Variants in HCN2 observed in about 807,000 individuals in gnomAD.
HCN2 encodes hyperpolarization activated cyclic nucleotide gated potassium and sodium channel 2, also known as potassium/sodium hyperpolarization-activated cyclic nucleotide-gated channel 2.
Under a neutral mutation model 52.3 loss-of-function variants are expected in HCN2, and 20 were observed. The observed-to-expected ratio is 0.38, with a 90% CI of 0.27 to 0.56. HCN2 has a LOEUF of 0.56. HCN2 is among the 20% of genes least tolerant of loss of function. The pLI is 0.71. For missense variants in HCN2, 981 were observed against 1,207.7 expected, an observed-to-expected ratio of 0.81 and a Z score of 2.78; for synonymous variants, 694 against 537.0, an observed-to-expected ratio of 1.29 and a Z score of -4.04.
intron 7 of HCN2, among the ~76,000 whole-genome samples, chr19:615,571 G>A (rs888316586): frequency 1.3e-5 from 2 of 152,156 alleles, no homozygotes; most frequent in African/African-American, 4.8e-5. Context: ...ATGCATGCTG[G>A]CTGTGCATAG....
chr19:610,182 C>T (rs1210886785), intron 4 of HCN2, 77 bp from the exon 5 acceptor site: 1 of 1,534,344 alleles, frequency 6.5e-7, no homozygotes, highest in African/African-American at 1.5e-5. Context: ...CTCGCCTCCC[C>T]ACAGTACAAG....
chr19:597,913 C>A (rs1337178753), intron 1 of HCN2, among the ~76,000 whole-genome samples: 2 of 152,210 alleles, frequency 1.3e-5, no homozygotes, highest in Non-Finnish European at 2.9e-5. Flanking sequence ...TCTCTGGAGC[C>A]CCCTGGGAGT....
intron 1 of HCN2, among the ~76,000 whole-genome samples, chr19:597,673 C>T (rs1202467536): frequency 6.7e-6 from 1 of 149,764 alleles, no homozygotes; most frequent in Non-Finnish European, 1.5e-5. Flanking sequence ...CTAGGTCCCC[C>T]TTGACAGTTT....
Position 608,035 on chromosome 19 carries a change from C to T in HCN2, c.1290C>T (p.Tyr430=), listed in dbSNP as rs145436026. Residue 430 remains tyrosine, a synonymous_variant, in exon 4 of 8, where the codon TAC becomes TAT. Transcript: ENST00000251287. ...TGAGCCACATGCTGTGCATCGGGTA[C>T]GGCCGGCAGGCGCCCGAGAGCATGA... is the stretch of plus-strand genomic sequence containing the variant. ...KAMSHMLCIG[Y]GRQAPESMTD... 3.7e-4 allele frequency: 593 copies of T among 1,613,024 alleles called. 1 individual carries two copies. In the African/African-American group the frequency reaches 7.0e-3, roughly 19 times the overall value.
At chr19:604,470 A>G (rs1983332010) in intron 2 of HCN2, among the ~76,000 whole-genome samples, 1 of 109,734 alleles carries the variant, frequency 9.1e-6, no homozygotes, top group Non-Finnish European at 1.8e-5. Context: ...GGTGGAGTCA[A>G]GCAGCAGGGG....
At chr19:609,273 C>G (rs373229610) in intron 4 of HCN2, among the ~76,000 whole-genome samples, 1 of 152,150 alleles carries the variant, frequency 6.6e-6, no homozygotes. Flanking sequence ...GTCCTGGGGA[C>G]AGCAGGGCCT....
At position 592,560 on chromosome 19, in the gene HCN2, A is replaced by G. The variant is rs980899652; in HGVS notation, c.632+1983A>G. Among the ~76,000 whole-genome samples the G allele has an allele frequency of 2.6e-5, 4 of 152,138 alleles. No individual in the cohort carries two copies. Among genetic ancestry groups the G allele is most frequent in the Admixed American group, 6.5e-5 (1 of 15,286 alleles). Reference sequence around the variant, plus strand: ...GGACCAAGTGCAGCCCCACCCCGGCAGATGAGTGTTGAAGTGGAACTGAGC... The same window carrying G: ...GGACCAAGTGCAGCCCCACCCCGGCGGATGAGTGTTGAAGTGGAACTGAGC... On this transcript the variant is annotated intron_variant, in intron 1 of 7. Transcript: ENST00000251287. The surrounding 1 kb of genome is among the most constrained non-coding windows in gnomAD (Gnocchi z 4.8).
In HCN2 at chr19:591,628, C is replaced by T. The variant is rs1982875742; in HGVS notation, c.632+1051C>T. The stretch of plus-strand genomic sequence containing the variant: ...GTGCAGGTGGAGGGTGTAGGTGGGG[C>T]CCGCCGGGCTAGCGAGGCCGGGCGC... On this transcript the variant is annotated intron_variant, in intron 1 of 7. Transcript: ENST00000251287. This position sits in a 1 kb window ranked among gnomAD's most constrained non-coding sequence, Gnocchi z 4.1. Among the ~76,000 whole-genome samples, 2 of 151,752 alleles carry T rather than the reference C, an allele frequency of 1.3e-5. No individual in the cohort carries two copies. Among genetic ancestry groups the T allele is most frequent in the African/African-American group, 4.8e-5 (2 of 41,308 alleles).
chr19:599,217 G>A (rs1043122667), intron 1 of HCN2, among the ~76,000 whole-genome samples: 1 of 152,176 alleles, frequency 6.6e-6, no homozygotes, highest in Non-Finnish European at 1.5e-5. Flanking sequence ...CCGTTTCCTC[G>A]GGATCATTTC....
intron 4 of HCN2, among the ~76,000 whole-genome samples, chr19:610,057 C>G (rs1390218908): frequency 6.7e-6 from 1 of 150,162 alleles, no homozygotes; most frequent in Admixed American, 6.6e-5. Context: ...CCCTGACCCC[C>G]CACAGTACAA....
Position 616,376 on chromosome 19 carries a change from G to A in HCN2, c.2572G>A (p.Ala858Thr), listed in dbSNP as rs1205274491. ...GCCCACGCCCGCTGCCCGGGCCGCC[G>A]CGCCCAGCCCGGACCGCAGGGACTC... ...LGPTPAARAA[A>T]PSPDRRDSAS... is the part of the protein sequence containing the mutation. Residue 858 changes from alanine (A) to threonine (T), a missense_variant, in exon 8 of 8, where the codon GCG (alanine) becomes ACG (threonine). By Grantham distance (58) the Ala-to-Thr change is moderately conservative. Transcript: ENST00000251287. 1.6e-6 allele frequency: 2 copies of A among 1,229,894 alleles called. No individual in the cohort carries two copies. Among genetic ancestry groups the A allele is most frequent in the South Asian group, 2.2e-5 (1 of 45,630 alleles). 76.2% of individuals were successfully genotyped at this position (1,229,894 alleles called of 1,614,324 possible).
At chr19:599,555 G>A (rs541624763) in intron 1 of HCN2, among the ~76,000 whole-genome samples, 118 of 152,032 alleles carry the variant, frequency 7.8e-4, no homozygotes, top group Non-Finnish European at 1.3e-3. Context: ...CAAGGCGGGC[G>A]GATCACGAGG....
chr19:613,448 C>A lies in HCN2; in HGVS notation c.1785C>A (p.Gly595=). Residue 595 remains glycine, a synonymous_variant, in exon 6 of 8, where the codon GGC becomes GGA. Transcript: ENST00000251287. ...QHGVVSVLTK[G]NKEMKLSDGS... ...GCGTGGTCAGCGTGCTCACTAAGGG[C>A]AACAAGGAGATGAAGCTGTCCGATG... 1 of 1,599,346 alleles carries A rather than the reference C, an allele frequency of 6.3e-7. No individual in the cohort carries two copies. Among genetic ancestry groups the A allele is most frequent in the Non-Finnish European group, 8.5e-7 (1 of 1,173,198 alleles).
In HCN2 at chr19:616,456, C is replaced by T. The variant is rs1024825486; in HGVS notation, c.2652C>T (p.Arg884=). The change falls in exon 8 of 8, where the codon CGC becomes CGT. Residue 884 remains arginine (R), a synonymous_variant. Transcript: ENST00000251287. ...ACCCCCAGGACTCCGCGCGCTCGCG[C>T]CTCTCGTCCAACTTGTGACCCTCGC... ...GLDPQDSARS[R]LSSNL is the part of the protein sequence containing the mutation. 71 of 1,240,044 alleles carry T rather than the reference C, an allele frequency of 5.7e-5. No homozygotes were observed. Among genetic ancestry groups the T allele is most frequent in the Non-Finnish European group, 6.4e-5 (63 of 989,284 alleles). The allele number at this position is 1,240,044 out of a possible 1,614,324, so 76.8% of individuals were successfully genotyped here. A position where few individuals can be genotyped will look rare whatever the true frequency, so the allele number is the denominator to read the frequency against.
intron 1 of HCN2, among the ~76,000 whole-genome samples, chr19:596,245 C>T (rs1376639902): frequency 2.6e-5 from 4 of 152,246 alleles, no homozygotes; most frequent in African/African-American, 9.6e-5. Context: ...TCACTTATGG[C>T]TGGAGGAGCC....
rs907641443 is a variant in HCN2 at position 616,689 on chromosome 19, C to T, written c.*215C>T. The T allele has an allele frequency of 1.6e-4, 36 of 226,518 alleles. No homozygotes were observed. The highest frequency in any genetic ancestry group is 4.3e-5 in the Non-Finnish European group (5 of 117,518). The allele number at this position is 226,518 out of a possible 1,614,324, so 14.0% of individuals were successfully genotyped here. A position where few individuals can be genotyped will look rare whatever the true frequency, so the allele number is the denominator to read the frequency against. ...CATCGCCCCGCGCCCACCCCCATCG[C>T]CCCTGCCCCCGGCGGCGGCCTCGCG... On this transcript the variant is annotated 3_prime_UTR_variant, in exon 8 of 8. Coordinates refer to ENST00000251287, the MANE Select transcript of HCN2 (RefSeq NM_001194.4).
intron 1 of HCN2, among the ~76,000 whole-genome samples, chr19:596,742 A>T (rs2144507304): frequency 6.6e-6 from 1 of 152,230 alleles, no homozygotes; most frequent in African/African-American, 2.4e-5. Flanking sequence ...GCGGCTGCAC[A>T]GAGTGTGAGG....
intron 6 of HCN2, among the ~76,000 whole-genome samples, 180 bp downstream of exon 6, chr19:613,668 T>C (rs1242127078): frequency 0.028 from 303 of 10,790 alleles, 15 homozygotes; most frequent in African/African-American, 0.11. Flanking sequence ...GGGCCGGGGA[T>C]GGGGATGGGG....
chr19:599,294 C>T (rs181784204), intron 1 of HCN2, among the ~76,000 whole-genome samples: 1,819 of 152,370 alleles, frequency 0.012, 21 homozygotes, highest in Non-Finnish European at 0.017. Context: ...GAGGAGCCGT[C>T]CAGAAGCAAG....
Sources: gnomAD v4.1 joint callset for allele counts (sites outside exome capture counted in the v4.1 genomes callset) on GRCh38, gnomAD v4.1.1 for gene constraint, Gnocchi (gnomAD v3.1) non-coding constraint, MANE v1.5 for transcripts, NCBI Gene and HGNC (gene_info 2026-07-23, HGNC 2026-07-21) for gene names.